TBX15: variants seen among roughly 807,000 people sequenced by gnomAD.
The protein encoded by TBX15 is T-box transcription factor 15, also known as T-box transcription factor TBX15.
Under a neutral mutation model 53.9 loss-of-function variants are expected in TBX15, and 18 were observed. That is an observed-to-expected ratio of 0.33 (90% confidence interval 0.23 to 0.49). The LOEUF is 0.49. TBX15 is among the 20% of genes least tolerant of loss of function. The probability of loss-of-function intolerance (pLI) is 0.98; values close to 1 mark genes in which losing one functional copy is unlikely to be tolerated. For synonymous variants in TBX15, 295 were observed against 278.0 expected, an observed-to-expected ratio of 1.06 and a Z score of -0.61; for missense variants, 692 against 749.5, an observed-to-expected ratio of 0.92 and a Z score of 0.90.
rs766824117 is a variant in TBX15 at position 118,931,597 on chromosome 1, A to C, written c.419+22T>G. 2.7e-5 allele frequency: 44 copies of C among 1,612,850 alleles called. No homozygotes were observed. The Admixed American group carries it at 7.2e-4, about 26-fold the overall frequency. Reference sequence around the variant, plus strand: ...TTCTGCAAATTCTTTGAATCTGGCCACTCAAAGGAATTTGTCCTTACCTGC... The same window carrying C: ...TTCTGCAAATTCTTTGAATCTGGCCCCTCAAAGGAATTTGTCCTTACCTGC... On this transcript the variant is annotated intron_variant, in intron 2 of 7. Coordinates refer to ENST00000369429, the MANE Select transcript of TBX15 (RefSeq NM_001330677.2).
At chr1:118,945,475 C>T (rs997275381) in intron 1 of TBX15, among the ~76,000 whole-genome samples, 5 of 152,148 alleles carry the variant, frequency 3.3e-5, no homozygotes, top group African/African-American at 4.8e-5. Flanking sequence ...TCTAGGTCCT[C>T]AATCTGATAG....
intron 6 of TBX15, among the ~76,000 whole-genome samples, chr1:118,901,170 A>G (rs1654618103): frequency 1.3e-5 from 2 of 152,188 alleles, no homozygotes. Context: ...TAATTTATAA[A>G]CAATAAAGTT....
rs540669084 is a variant in TBX15 at position 118,926,693 on chromosome 1, T to TTTTG, written c.420-86_420-83dup. 4.1e-6 allele frequency: 5 copies of TTTTG among 1,208,096 alleles called. No individual in the cohort carries two copies. In the African/African-American group the frequency reaches 6.0e-5, roughly 14 times the overall value. 74.8% of individuals were successfully genotyped at this position (1,208,096 alleles called of 1,614,324 possible). Reference sequence around the variant, plus strand: ...GTAAAAGCTTAAACAATGTGGGTTTTTTTGTTTGTTTGTTTTCTTGTTTGT... The same window carrying TTTTG: ...GTAAAAGCTTAAACAATGTGGGTTTTTTTGTTTGTTTGTTTGTTTTCTTGTTTGT... On this transcript the variant is annotated intron_variant, in intron 2 of 7. Coordinates refer to ENST00000369429, the MANE Select transcript of TBX15 (RefSeq NM_001330677.2).
chr1:118,938,612 C>A (rs114392606), intron 1 of TBX15, among the ~76,000 whole-genome samples: 1,656 of 152,316 alleles, frequency 0.011, 37 homozygotes, highest in African/African-American at 0.038. Context: ...TTTGCATTCC[C>A]ACCAACAGTG....
At chr1:118,905,104 A>C (rs1408165323) in intron 6 of TBX15, among the ~76,000 whole-genome samples, 1 of 152,200 alleles carries the variant, frequency 6.6e-6, no homozygotes, top group Non-Finnish European at 1.5e-5. Flanking sequence ...TCAGACTGTA[A>C]CCTATAATAG....
chr1:118,901,478 C>T (rs2101513374), intron 6 of TBX15: 1 of 451,072 alleles, frequency 2.2e-6, no homozygotes. Context: ...CAAACCATAG[C>T]AGTTTCATTT....
intron 1 of TBX15, among the ~76,000 whole-genome samples, chr1:118,984,098 C>T (rs1204724272): frequency 2.0e-5 from 3 of 152,248 alleles, no homozygotes; most frequent in Non-Finnish European, 4.4e-5. Context: ...AGAAAGTGCC[C>T]TGGGGCGGCC....
intron 3 of TBX15, 83 bp downstream of exon 3, chr1:118,926,427 A>T (rs2101599832): frequency 8.0e-7 from 1 of 1,245,992 alleles, no homozygotes; most frequent in East Asian, 2.4e-5. Context: ...ATGCATTGCT[A>T]AACTATTTCC....
chr1:118,987,827 C>T lies in TBX15; in HGVS notation c.-32G>A. On this transcript the variant is annotated 5_prime_UTR_variant, in exon 1 of 8. Transcript: ENST00000369429. The stretch of plus-strand genomic sequence containing the variant: ...CGCCCACACCCCTGCCTCCGCTTGC[C>T]CCCGCTACCGAGGGAGCAGCCGGCG... 11 of 1,545,598 alleles carry T rather than the reference C, an allele frequency of 7.1e-6. No individual in the cohort carries two copies. The highest frequency in any genetic ancestry group is 9.6e-6 in the Non-Finnish European group (11 of 1,144,780).
intron 1 of TBX15, among the ~76,000 whole-genome samples, chr1:118,980,725 C>A (rs904553812): frequency 1.3e-5 from 2 of 152,140 alleles, no homozygotes; most frequent in Admixed American, 6.5e-5. Context: ...AAAATTAATA[C>A]AAATTACAAA....
intron 1 of TBX15, among the ~76,000 whole-genome samples, chr1:118,972,412 G>C (rs1339131195): frequency 6.6e-6 from 1 of 152,086 alleles, no homozygotes; most frequent in Non-Finnish European, 1.5e-5. Context: ...ACTTTCTTTA[G>C]AAAGAATTTT....
Position 118,914,317 on chromosome 1 carries a change from T to A in TBX15, c.862-138A>T, listed in dbSNP as rs1779451. 0.029 allele frequency: 25,760 copies of A among 882,416 alleles called. 527 individuals carry two copies. Among genetic ancestry groups the A allele is most frequent in the South Asian group, 0.065 (4,277 of 65,310 alleles). The allele number at this position is 882,416 out of a possible 1,614,324, so 54.7% of individuals were successfully genotyped here. On this transcript the variant is annotated intron_variant, in intron 5 of 7. Coordinates refer to ENST00000369429, the MANE Select transcript of TBX15 (RefSeq NM_001330677.2). The stretch of plus-strand genomic sequence containing the variant: ...ATTTCCTTTCAGCTCAAGATTTAAT[T>A]TGAAGCTGGATATAGAACTTGGCCT...
chr1:118,973,624 G>A (rs558909487), intron 1 of TBX15, among the ~76,000 whole-genome samples: 5 of 152,194 alleles, frequency 3.3e-5, no homozygotes, highest in Admixed American at 3.3e-4. Context: ...CAGGAAAATA[G>A]ACTGGCAAAG....
chr1:118,923,291 TCTAAC>T (rs1655482501), intron 5 of TBX15, 140 bp downstream of exon 5: 1 of 1,039,914 alleles, frequency 9.6e-7, no homozygotes, highest in African/African-American at 1.6e-5. Flanking sequence ...TGCTGAGAAC[TCTAAC>T]ACTGTATAGT....
intron 6 of TBX15, among the ~76,000 whole-genome samples, chr1:118,909,955 T>C (rs547370458): frequency 8.9e-4 from 135 of 152,282 alleles, no homozygotes; most frequent in African/African-American, 3.1e-3. Flanking sequence ...AGCACTCTTT[T>C]CTATGCTTCG....
At chr1:118,893,611 GAA>G (rs1289821549) in intron 7 of TBX15, among the ~76,000 whole-genome samples, 1 of 142,480 alleles carries the variant, frequency 7.0e-6, no homozygotes, top group Non-Finnish European at 1.5e-5. Flanking sequence ...AAGAAAGAAA[GAA>G]AGAGAGAGAG....
At chr1:118,963,730 T>C (rs933310381) in intron 1 of TBX15, among the ~76,000 whole-genome samples, 6 of 152,238 alleles carry the variant, frequency 3.9e-5, no homozygotes, top group African/African-American at 1.4e-4. Flanking sequence ...TCTCAATTAA[T>C]GAACTCTTCT....
chr1:118,987,931 C>G lies in TBX15; in HGVS notation c.-136G>C. On this transcript the variant is annotated 5_prime_UTR_variant, in exon 1 of 8. Transcript: ENST00000369429. The stretch of plus-strand genomic sequence containing the variant: ...CGGACGAGGCTGAGACTGCGGCTCG[C>G]GGGTCTCTCCACCCTCCCCCTGCGT... The G allele has an allele frequency of 9.2e-7, 1 of 1,087,828 alleles. No homozygotes were observed. The highest frequency in any genetic ancestry group is 1.6e-5 in the South Asian group (1 of 63,610). The allele number at this position is 1,087,828 out of a possible 1,614,324, so 67.4% of individuals were successfully genotyped here. A position where few individuals can be genotyped will look rare whatever the true frequency, so the allele number is the denominator to read the frequency against.
rs1012658444 is a variant in TBX15 at position 118,885,708 on chromosome 1, G to GTC, written c.1025-194_1025-193dup. ...CTGTGGACATATACACAGTCATACA[G>GTC]TCTCTCACACACACACACACACACA... is the stretch of plus-strand genomic sequence containing the variant. On this transcript the variant is annotated intron_variant, in intron 7 of 7. Transcript: ENST00000369429. Among the ~76,000 whole-genome samples the GTC allele has an allele frequency of 1.3e-4, 19 of 150,652 alleles. 1 individual carries two copies. Among genetic ancestry groups the GTC allele is most frequent in the African/African-American group, 3.5e-4 (14 of 40,204 alleles).
Sources: gnomAD v4.1 joint callset for allele counts (sites outside exome capture counted in the v4.1 genomes callset) on GRCh38, gnomAD v4.1.1 for gene constraint, MANE v1.5 for transcripts, NCBI Gene and HGNC (gene_info 2026-07-23, HGNC 2026-07-21) for gene names.